The following PCDH15 variants were observed in gnomAD, a reference collection of about 807,000 sequenced individuals.
PCDH15 encodes protocadherin-15.
Under a neutral mutation model 178.5 loss-of-function variants are expected in PCDH15, and 129 were observed. The observed-to-expected ratio is 0.72, with a 90% CI of 0.63 to 0.84. The LOEUF (loss-of-function observed/expected upper bound fraction) is 0.84, where lower values mean the gene tolerates loss of function less well. Among genes scored for constraint, PCDH15 ranks in the 40% least tolerant of loss-of-function variants. PCDH15 has a pLI of 0.00. For synonymous variants in PCDH15, 800 were observed against 732.0 expected, an observed-to-expected ratio of 1.09 and a Z score of -1.50; for missense variants, 2,230 against 2,099.9, an observed-to-expected ratio of 1.06 and a Z score of -1.21.
intron 3 of PCDH15, among the ~76,000 whole-genome samples, chr10:54,490,732 G>A (rs2079519079): frequency 6.6e-6 from 1 of 152,050 alleles, no homozygotes; most frequent in South Asian, 2.1e-4. Context: ...ACTAGTAAAA[G>A]TCAAAATACT....
In PCDH15 at chr10:53,822,103, G is replaced by T. The variant is rs758308006; in HGVS notation, c.4368-1873C>A. ...AGGATGCCTTTTGGTTCTCTCTGAG[G>T]GTCTGTTTTACACACTGTCGTTGTT... is the stretch of plus-strand genomic sequence containing the variant. On this transcript the variant is annotated intron_variant, in intron 32 of 37. Coordinates refer to ENST00000644397, the MANE Select transcript of PCDH15 (RefSeq NM_001384140.1). 4.3e-6 allele frequency: 7 copies of T among 1,613,680 alleles called. No homozygotes were observed. The Admixed American group carries it at 1.2e-4, about 27-fold the overall frequency.
chr10:53,934,151 T>G (rs560129156), intron 25 of PCDH15, among the ~76,000 whole-genome samples: 7 of 152,170 alleles, frequency 4.6e-5, no homozygotes, highest in African/African-American at 1.7e-4. Context: ...GAGAAAATGA[T>G]GAAAAGATAA....
At chr10:54,460,622 T>A (rs2077106843) in intron 3 of PCDH15, among the ~76,000 whole-genome samples, 1 of 152,022 alleles carries the variant, frequency 6.6e-6, no homozygotes, top group Admixed American at 6.6e-5. Flanking sequence ...ATGTATTTGG[T>A]ATAATACACA....
intron 25 of PCDH15, among the ~76,000 whole-genome samples, chr10:53,926,870 C>T (rs1019719723): frequency 1.3e-5 from 2 of 152,172 alleles, no homozygotes; most frequent in East Asian, 1.9e-4. Flanking sequence ...TATGTTATAG[C>T]TTCTCCACCA....
At chr10:55,439,449 T>A (rs1170200087) in intron 2 of PCDH15, among the ~76,000 whole-genome samples, 1 of 152,084 alleles carries the variant, frequency 6.6e-6, no homozygotes, top group East Asian at 1.9e-4. Context: ...TAATAGAGAA[T>A]GACCTTCATT....
intron 2 of PCDH15, among the ~76,000 whole-genome samples, chr10:55,137,570 A>C: frequency 6.6e-6 from 1 of 151,720 alleles, no homozygotes; most frequent in African/African-American, 2.4e-5. Context: ...ACTGAGAAAT[A>C]ATTTCTATGT....
At chr10:54,418,011 G>A (rs1387230674) in intron 3 of PCDH15, among the ~76,000 whole-genome samples, 17 of 152,232 alleles carry the variant, frequency 1.1e-4, no homozygotes, top group South Asian at 6.2e-4. Context: ...CTACTGGCCC[G>A]AAAAGATCTG....
At chr10:54,918,646 C>T (rs1837407268) in intron 2 of PCDH15, among the ~76,000 whole-genome samples, 1 of 152,052 alleles carries the variant, frequency 6.6e-6, no homozygotes, top group African/African-American at 2.4e-5. Flanking sequence ...TAAACATATG[C>T]TTCTAATTGC....
chr10:53,823,260 G>T (rs571755362), intron 32 of PCDH15: 2 of 1,613,842 alleles, frequency 1.2e-6, no homozygotes, highest in Non-Finnish European at 1.7e-6. Flanking sequence ...AGCCTCAATA[G>T]TATTGGAAGA....
At chr10:54,409,648 C>A (rs1394519296) in intron 3 of PCDH15, among the ~76,000 whole-genome samples, 3 of 152,140 alleles carry the variant, frequency 2.0e-5, no homozygotes, top group Non-Finnish European at 4.4e-5. Flanking sequence ...GCAAAACCAT[C>A]TTCTCATCTG....
In PCDH15 at chr10:55,465,604, TAGG is replaced by T. The variant is rs144795936; in HGVS notation, c.-156+162018_-156+162020del. Among the ~76,000 whole-genome samples the T allele has an allele frequency of 8.2e-3, 1,250 of 152,228 alleles. 18 individuals carry two copies. Among genetic ancestry groups the T allele is most frequent in the African/African-American group, 0.029 (1,186 of 41,538 alleles). ...GGAAGTAGAGGTGTCTAGAAATAAT[TAGG>T]AGAAGTATATCATCTCTCATATGTC... On this transcript the variant is annotated intron_variant, in intron 2 of 5. Coordinates refer to the PCDH15 transcript ENST00000613346.
intron 2 of PCDH15, among the ~76,000 whole-genome samples, chr10:54,595,507 G>A (rs2133992338): frequency 6.6e-6 from 1 of 152,294 alleles, no homozygotes; most frequent in South Asian, 2.1e-4. Flanking sequence ...GAAAGAACCA[G>A]TGCAGGAACT....
At chr10:54,297,680 TA>T (rs1299826474) in intron 8 of PCDH15, among the ~76,000 whole-genome samples, 1 of 152,100 alleles carries the variant, frequency 6.6e-6, no homozygotes, top group African/African-American at 2.4e-5. Flanking sequence ...CCCCTTTAAG[TA>T]GGGGGAGGGG....
intron 26 of PCDH15, among the ~76,000 whole-genome samples, chr10:53,902,619 A>G (rs2133655480): frequency 6.6e-6 from 1 of 152,258 alleles, no homozygotes; most frequent in South Asian, 2.1e-4. Flanking sequence ...ATAGTCATAA[A>G]CATTTGATTA....
intron 3 of PCDH15, among the ~76,000 whole-genome samples, chr10:54,491,793 G>C (rs578198697): frequency 2.0e-5 from 3 of 152,164 alleles, no homozygotes; most frequent in Non-Finnish European, 4.4e-5. Context: ...CAAAATTCTG[G>C]TCTTTGCTAT....
At chr10:55,256,096 G>A (rs1329704688) in intron 1 of PCDH15, among the ~76,000 whole-genome samples, 2 of 152,174 alleles carry the variant, frequency 1.3e-5, no homozygotes, top group East Asian at 3.9e-4. Context: ...TAACATTTAA[G>A]TCTTTAATCC....
intron 17 of PCDH15, among the ~76,000 whole-genome samples, chr10:54,076,938 T>A (rs946536182): frequency 6.6e-6 from 1 of 152,170 alleles, no homozygotes; most frequent in African/African-American, 2.4e-5. Context: ...TTAAACCACA[T>A]GATTCTTAAG....
At chr10:55,492,650 T>C (rs901573851) in intron 2 of PCDH15, among the ~76,000 whole-genome samples, 2 of 151,758 alleles carry the variant, frequency 1.3e-5, no homozygotes, top group African/African-American at 4.8e-5. Flanking sequence ...CTATTTTCAA[T>C]GATAATAACA....
intron 1 of PCDH15, among the ~76,000 whole-genome samples, chr10:55,184,802 A>G (rs1160540797): frequency 6.6e-6 from 1 of 151,972 alleles, no homozygotes; most frequent in East Asian, 1.9e-4. Context: ...ACACATGCAC[A>G]CAAAGTTAAA....
Sources: allele counts gnomAD v4.1 joint callset (sites outside exome capture counted in the v4.1 genomes callset), GRCh38; gene constraint gnomAD v4.1.1; transcripts MANE v1.5; gene names NCBI Gene and HGNC (gene_info 2026-07-23, HGNC 2026-07-21).